Variants in DTX4 observed in about 807,000 individuals in gnomAD.
DTX4 encodes E3 ubiquitin-protein ligase DTX4.
Under a neutral mutation model 57.6 loss-of-function variants are expected in DTX4, and 28 were observed. The ratio of observed to expected loss-of-function variants is 0.49; its 90% CI spans 0.36 to 0.67. The LOEUF (loss-of-function observed/expected upper bound fraction) is 0.67. Among genes scored for constraint, DTX4 ranks in the 30% least tolerant of loss-of-function variants. DTX4 has a pLI of 0.00. For missense variants in DTX4, 715 were observed against 836.8 expected (o/e 0.85, Z 1.80); for synonymous variants, 316 against 331.0 (o/e 0.95, Z 0.49).
At chr11:59,175,421 G>T (rs959002518) in intron 1 of DTX4, among the ~76,000 whole-genome samples, 4 of 152,156 alleles carry the variant, frequency 2.6e-5, no homozygotes. Flanking sequence ...ACCTCATCCA[G>T]CCTGTCTCCA....
chr11:59,206,595 C>CA lies in DTX4; in HGVS notation c.*1691dup, dbSNP rs1369870476. ...AGAAAAATGGAAACAAGAGAACCTT[C>CA]AAAAATGGTACTTAGATGGGAACTG... On this transcript the variant is annotated 3_prime_UTR_variant, in exon 9 of 9. Transcript: ENST00000227451. 2 of 151,922 alleles carry CA rather than the reference C, an allele frequency of 1.3e-5. No homozygotes were observed. The highest frequency in any genetic ancestry group is 1.3e-4 in the Admixed American group (2 of 15,226). 9.4% of individuals were successfully genotyped at this position (151,922 alleles called of 1,614,324 possible).
At chr11:59,203,326 A>C (rs1357124888) in intron 8 of DTX4, among the ~76,000 whole-genome samples, 1 of 152,228 alleles carries the variant, frequency 6.6e-6, no homozygotes, top group Non-Finnish European at 1.5e-5. Context: ...CACATTGTAC[A>C]GCTGTAGAAA....
At chr11:59,183,331 T>C (rs1472610303) in intron 2 of DTX4, among the ~76,000 whole-genome samples, 1 of 152,250 alleles carries the variant, frequency 6.6e-6, no homozygotes, top group Non-Finnish European at 1.5e-5. Context: ...TGACTTATTA[T>C]GTGCCAGGCA....
At chr11:59,195,713 C>T (rs777129720) in intron 7 of DTX4, among the ~76,000 whole-genome samples, 44 of 152,270 alleles carry the variant, frequency 2.9e-4, no homozygotes, top group Non-Finnish European at 2.9e-4. Context: ...AGAGCTTCCT[C>T]GTTCTTGTGT....
chr11:59,184,433 CTT>C (rs1214438716), intron 2 of DTX4, among the ~76,000 whole-genome samples: 1 of 152,246 alleles, frequency 6.6e-6, no homozygotes, highest in Non-Finnish European at 1.5e-5. Flanking sequence ...AGTGTATAGA[CTT>C]AGCACAGTGC....
At chr11:59,172,002 G>C (rs563852478), upstream of DTX4, among the ~76,000 whole-genome samples, 2 of 152,048 alleles carry the variant, frequency 1.3e-5, no homozygotes, top group South Asian at 4.2e-4. Flanking sequence ...CTGCTTGGGA[G>C]GGGTGGTTCA....
At chr11:59,189,018 G>A in intron 3 of DTX4, 144 bp from the exon 4 acceptor site, 1 of 1,060,574 alleles carries the variant, frequency 9.4e-7, no homozygotes. Flanking sequence ...TAAGTTTCTG[G>A]GGAAAGTACA....
chr11:59,185,789 C>T (rs1455082997), intron 2 of DTX4, among the ~76,000 whole-genome samples: 4 of 152,278 alleles, frequency 2.6e-5, no homozygotes, highest in East Asian at 1.9e-4. Context: ...CCCTTTTATA[C>T]TTGGGAGGTA....
chr11:59,198,571 T>G (rs1049619339), intron 7 of DTX4, among the ~76,000 whole-genome samples: 1 of 152,252 alleles, frequency 6.6e-6, no homozygotes, highest in African/African-American at 2.4e-5. Flanking sequence ...ACAGAATTTC[T>G]TATCATTTTG....
At chr11:59,200,021 TAA>T (rs1050618028) in intron 8 of DTX4, among the ~76,000 whole-genome samples, 93 of 152,262 alleles carry the variant, frequency 6.1e-4, no homozygotes, top group African/African-American at 2.1e-3. Flanking sequence ...ACGCTGCTAA[TAA>T]AGACATAAAT....
Position 59,189,189 on chromosome 11 carries a change from C to T in DTX4, c.1025C>T (p.Ala342Val), listed in dbSNP as rs771762579. The change falls in exon 4 of 9, where the codon GCG (alanine) becomes GTG (valine). Residue 342 changes from alanine (A) to valine (V), a missense_variant. By Grantham distance (64) the Ala-to-Val change is moderately conservative. Transcript: ENST00000227451. ...AGITGILMSA[A>V]GLPVCLTRPP... ...ATCACTGGGATCCTCATGAGTGCAG[C>T]GGGGCTGCCTGTGTGTCTCACCAGG... The T allele has an allele frequency of 3.7e-6, 6 of 1,613,652 alleles. No individual in the cohort carries two copies. Among genetic ancestry groups the T allele is most frequent in the Middle Eastern group, 3.4e-4 (2 of 5,898 alleles).
intron 7 of DTX4, among the ~76,000 whole-genome samples, chr11:59,196,700 A>G (rs967160130): frequency 1.3e-5 from 2 of 152,090 alleles, no homozygotes; most frequent in African/African-American, 2.4e-5. Context: ...CACAAACTCT[A>G]TTGTGAACTG....
intron 2 of DTX4, among the ~76,000 whole-genome samples, chr11:59,186,101 C>T (rs1329036321): frequency 6.6e-6 from 1 of 152,168 alleles, no homozygotes; most frequent in Non-Finnish European, 1.5e-5. Context: ...CCCCTCCTTC[C>T]CAGAGCCCAG....
intron 6 of DTX4, 40 bp downstream of exon 6, chr11:59,192,290 T>G (rs763889608): frequency 6.2e-7 from 1 of 1,612,140 alleles, no homozygotes; most frequent in East Asian, 2.2e-5. Flanking sequence ...CCCTTCACAC[T>G]GGGCTCTGGA....
chr11:59,192,159 C>T lies in DTX4; in HGVS notation c.1283C>T (p.Thr428Met), dbSNP rs201910679. The T allele has an allele frequency of 2.3e-4, 372 of 1,613,956 alleles. 4 individuals carry two copies. Among genetic ancestry groups the T allele is most frequent in the South Asian group, 2.1e-3 (191 of 91,080 alleles). Residue 428 changes from threonine (T) to methionine (M), a missense_variant, in exon 6 of 9, where the codon ACG becomes ATG. Coordinates refer to ENST00000227451, the MANE Select transcript of DTX4 (RefSeq NM_015177.2). The part of the protein sequence containing the change: ...APSGYKGPQP[T>M]VKPDLVGKLS... Reference sequence around the variant, plus strand: ...TCAGGCTACAAGGGCCCGCAGCCTACGGTAAAACCTGACCTGGTAGGGAAG... The same window carrying T: ...TCAGGCTACAAGGGCCCGCAGCCTATGGTAAAACCTGACCTGGTAGGGAAG...
chr11:59,192,674 T>G (rs1044860749), intron 6 of DTX4, among the ~76,000 whole-genome samples: 2 of 152,192 alleles, frequency 1.3e-5, no homozygotes, highest in African/African-American at 2.4e-5. Flanking sequence ...CAATCACCCT[T>G]TCTTCCCCAG....
intron 2 of DTX4, 21 bp from the exon 3 acceptor site, chr11:59,188,714 A>G (rs1862558325): frequency 1.9e-6 from 3 of 1,608,884 alleles, no homozygotes; most frequent in South Asian, 1.1e-5. Context: ...ATGACATTGT[A>G]TCTGCTCTTT....
At chr11:59,204,138 AAGTC>A (rs768057726) in intron 8 of DTX4, among the ~76,000 whole-genome samples, 4 of 152,206 alleles carry the variant, frequency 2.6e-5, no homozygotes, top group Admixed American at 6.5e-5. Context: ...CACCTCGAGA[AAGTC>A]AGAGTGCTCC....
intron 8 of DTX4, among the ~76,000 whole-genome samples, chr11:59,201,021 A>C (rs912073924): frequency 4.6e-5 from 7 of 152,214 alleles, no homozygotes; most frequent in Non-Finnish European, 8.8e-5. Context: ...TATAAACAAT[A>C]GACACTTATG....
Sources: gnomAD v4.1 joint callset for allele counts (sites outside exome capture counted in the v4.1 genomes callset) on GRCh38, gnomAD v4.1.1 for gene constraint, MANE v1.5 for transcripts, NCBI Gene and HGNC (gene_info 2026-07-23, HGNC 2026-07-21) for gene names.